The following SLC4A4 variants were observed in gnomAD, a reference collection of about 807,000 sequenced individuals.
The protein encoded by SLC4A4 is electrogenic sodium bicarbonate cotransporter 1.
Under a neutral mutation model 111.5 loss-of-function variants are expected in SLC4A4, and 27 were observed. The observed-to-expected ratio is 0.24, with a 90% CI of 0.18 to 0.33. The LOEUF is 0.33. SLC4A4 is among the 10% of genes least tolerant of loss of function. The pLI, the probability that SLC4A4 is intolerant of heterozygous loss-of-function variation, is 1.00. For missense variants in SLC4A4, 909 were observed against 1,315.5 expected, an observed-to-expected ratio of 0.69 and a Z score of 4.78; for synonymous variants, 443 against 463.4, an observed-to-expected ratio of 0.96 and a Z score of 0.57.
intron 6 of SLC4A4, among the ~76,000 whole-genome samples, chr4:71,387,249 T>C (rs577921004): frequency 1.3e-5 from 2 of 152,310 alleles, no homozygotes; most frequent in South Asian, 2.1e-4. Flanking sequence ...CATTTCTAAA[T>C]AGCATAAATG....
chr4:71,101,642 C>A (rs1479931517), intron 2 of SLC4A4, among the ~76,000 whole-genome samples: 3 of 152,142 alleles, frequency 2.0e-5, no homozygotes, highest in Non-Finnish European at 2.9e-5. Flanking sequence ...AACTGGGAGG[C>A]AACCCCCAGC....
chr4:71,406,476 T>C (rs1720863248), intron 7 of SLC4A4, among the ~76,000 whole-genome samples: 1 of 152,114 alleles, frequency 6.6e-6, no homozygotes, highest in Non-Finnish European at 1.5e-5. Context: ...AGCTCCCCAC[T>C]GTTTCTAGCT....
At chr4:71,510,055 C>G (rs1731777093) in intron 16 of SLC4A4, among the ~76,000 whole-genome samples, 2 of 152,098 alleles carry the variant, frequency 1.3e-5, no homozygotes, top group Non-Finnish European at 2.9e-5. Flanking sequence ...TGGGGCAATG[C>G]AGCTGTGTAA....
At chr4:71,211,299 A>G (rs1718117272) in intron 1 of SLC4A4, among the ~76,000 whole-genome samples, 1 of 152,178 alleles carries the variant, frequency 6.6e-6, no homozygotes, top group Admixed American at 6.5e-5. Flanking sequence ...TGATTCTCCT[A>G]TGATTCTGTA....
At chr4:71,180,545 A>G (rs1745255420) in intron 2 of SLC4A4, among the ~76,000 whole-genome samples, 1 of 152,228 alleles carries the variant, frequency 6.6e-6, no homozygotes, top group South Asian at 2.1e-4. Flanking sequence ...GGCAAAGGAT[A>G]TGAACAGACA....
intron 2 of SLC4A4, among the ~76,000 whole-genome samples, chr4:71,105,383 G>A (rs1453893094): frequency 6.7e-6 from 1 of 149,774 alleles, no homozygotes; most frequent in East Asian, 2.0e-4. Context: ...TCCCCATCAA[G>A]CTACCAATGA....
Position 71,567,919 on chromosome 4 carries a change from A to G in SLC4A4, c.*168A>G. ...CCTGTTTGTCTTTCTTAAAACTGAC[A>G]TTTGTTGTTAATGTCATTTGTTTTT... On this transcript the variant is annotated 3_prime_UTR_variant, in exon 26 of 26. Coordinates refer to ENST00000264485, the MANE Select transcript of SLC4A4 (RefSeq NM_001098484.3). 8.0e-7 allele frequency: 1 copy of G among 1,246,722 alleles called. No homozygotes were observed. Among genetic ancestry groups the G allele is most frequent in the Admixed American group, 2.3e-5 (1 of 43,152 alleles). The allele number at this position is 1,246,722 out of a possible 1,614,324, so 77.2% of individuals were successfully genotyped here. A position where few individuals can be genotyped will look rare whatever the true frequency, so the allele number is the denominator to read the frequency against.
chr4:71,269,738 T>C (rs2602098), intron 3 of SLC4A4, among the ~76,000 whole-genome samples: 1 of 152,004 alleles, frequency 6.6e-6, no homozygotes, highest in Non-Finnish European at 1.5e-5. Flanking sequence ...CAGTGTTATT[T>C]TTCCCATATT....
Position 71,569,759 on chromosome 4 carries a change from A to G in SLC4A4, c.*2008A>G, listed in dbSNP as rs1737792279. 1 of 151,626 alleles carries G rather than the reference A, an allele frequency of 6.6e-6. No individual in the cohort carries two copies. The highest frequency in any genetic ancestry group is 1.5e-5 in the Non-Finnish European group (1 of 67,758). 9.4% of individuals were successfully genotyped at this position (151,626 alleles called of 1,614,324 possible). On this transcript the variant is annotated 3_prime_UTR_variant, in exon 26 of 26. Coordinates refer to ENST00000264485, the MANE Select transcript of SLC4A4 (RefSeq NM_001098484.3). ...TAAGTTATTATTCTGTCTCCTTGTA[A>G]TTTTGATTACAAAAATTTTATTATC...
chr4:71,502,306 AT>A (rs1223362131), intron 16 of SLC4A4, among the ~76,000 whole-genome samples: 1 of 152,052 alleles, frequency 6.6e-6, no homozygotes, highest in Non-Finnish European at 1.5e-5. Context: ...AGTTTTGTTA[AT>A]TTTTTTAACT....
chr4:71,245,587 G>C (rs559789846), intron 2 of SLC4A4, among the ~76,000 whole-genome samples: 1 of 152,044 alleles, frequency 6.6e-6, no homozygotes. Context: ...AGAGTGGTGG[G>C]GGATGATAGG....
At chr4:71,459,348 G>T (rs944384891) in intron 12 of SLC4A4, among the ~76,000 whole-genome samples, 1 of 151,880 alleles carries the variant, frequency 6.6e-6, no homozygotes, top group African/African-American at 2.4e-5. Context: ...AAAAAATTAC[G>T]TAGAAGGTAA....
At chr4:71,072,506 T>G (rs1741694873) in intron 1 of SLC4A4, among the ~76,000 whole-genome samples, 1 of 152,170 alleles carries the variant, frequency 6.6e-6, no homozygotes, top group Non-Finnish European at 1.5e-5. Context: ...ATGATAGGCA[T>G]AGTCTTCTCT....
chr4:71,224,682 G>A (rs528783514), intron 1 of SLC4A4, among the ~76,000 whole-genome samples: 128 of 152,268 alleles, frequency 8.4e-4, no homozygotes, highest in African/African-American at 2.8e-3. Context: ...AGGATGCTCC[G>A]GTCTTTGGCC....
chr4:71,410,754 GT>G (rs1560482781), intron 7 of SLC4A4, among the ~76,000 whole-genome samples: 1 of 151,958 alleles, frequency 6.6e-6, no homozygotes, highest in Non-Finnish European at 1.5e-5. Context: ...TTTGGTTTTT[GT>G]TTTTGTTTTG....
chr4:71,151,523 G>GT lies in SLC4A4; in HGVS notation c.-2+58737dup, dbSNP rs201414856. 5.3e-3 allele frequency among the ~76,000 whole-genome samples: 804 copies of GT among 151,946 alleles called. 9 individuals are homozygous for GT. Among genetic ancestry groups the GT allele is most frequent in the African/African-American group, 0.019 (769 of 41,448 alleles). The stretch of plus-strand genomic sequence containing the variant: ...TCATTTTTACCTCTACTTATTTACT[G>GT]TTTTTTAACACCATCTGTTCTTTCC... On this transcript the variant is annotated intron_variant, in intron 2 of 26. Transcript: ENST00000649996.
rs775551906 is a variant in SLC4A4, at chr4:71,567,942, T to A, written c.*191T>A. ...ACATTTGTTGTTAATGTCATTTGTT[T>A]TTGTTTGGCTGTTTGTTTATTTTTT... is the stretch of plus-strand genomic sequence containing the variant. On this transcript the variant is annotated 3_prime_UTR_variant, in exon 26 of 26. Coordinates refer to ENST00000264485, the MANE Select transcript of SLC4A4 (RefSeq NM_001098484.3). The A allele has an allele frequency of 9.0e-7, 1 of 1,111,628 alleles. No individual in the cohort carries two copies. The highest frequency in any genetic ancestry group is 1.3e-6 in the Non-Finnish European group (1 of 763,966). The allele number at this position is 1,111,628 out of a possible 1,614,324, so 68.9% of individuals were successfully genotyped here.
intron 20 of SLC4A4, among the ~76,000 whole-genome samples, chr4:71,552,107 T>C (rs541413763): frequency 6.6e-6 from 1 of 151,916 alleles, no homozygotes; most frequent in Non-Finnish European, 1.5e-5. Flanking sequence ...GTCTTCATGA[T>C]AATTATGACA....
chr4:71,568,119 G>A lies in SLC4A4; in HGVS notation c.*368G>A, dbSNP rs886269876. 3 of 417,806 alleles carry A rather than the reference G, an allele frequency of 7.2e-6. No individual in the cohort carries two copies. Among genetic ancestry groups the A allele is most frequent in the African/African-American group, 2.1e-5 (1 of 47,216 alleles). The allele number at this position is 417,806 out of a possible 1,614,324, so 25.9% of individuals were successfully genotyped here. ...CCCTTTTGTTCTTAAACTTTCAGAT[G>A]TGTCCTTTGATAACCAAATTCTGTC... On this transcript the variant is annotated 3_prime_UTR_variant, in exon 26 of 26. Coordinates refer to ENST00000264485, the MANE Select transcript of SLC4A4 (RefSeq NM_001098484.3).
Sources: gnomAD v4.1 joint callset for allele counts (sites outside exome capture counted in the v4.1 genomes callset) on GRCh38, gnomAD v4.1.1 for gene constraint, MANE v1.5 for transcripts, NCBI Gene and HGNC (gene_info 2026-07-23, HGNC 2026-07-21) for gene names.